The following PLEKHH2 variants were observed in gnomAD, a reference collection of about 807,000 sequenced individuals.
PLEKHH2 encodes the protein pleckstrin homology, MyTH4 and FERM domain containing H2, also known as pleckstrin homology domain-containing family H member 2.
PLEKHH2 carries 129 observed loss-of-function variants against 187.9 expected under a neutral mutation model. That is an observed-to-expected ratio of 0.69 (90% CI 0.59 to 0.79). The LOEUF is 0.79. PLEKHH2 is among the 30% of genes least tolerant of loss of function. The probability of loss-of-function intolerance (pLI) is 0.00; values close to 1 mark genes in which losing one functional copy is unlikely to be tolerated. For missense variants in PLEKHH2, 2,076 were observed against 1,751.2 expected (o/e 1.19, Z -3.31); for synonymous variants, 686 against 605.6 (o/e 1.13, Z -1.95).
In PLEKHH2 at chr2:43,764,347, T is replaced by G; in HGVS notation, c.4278T>G (p.Phe1426Leu). ...SKDKPTEKLLFAMAKPKILEI... is the reference protein window; with the variant it reads ...SKDKPTEKLLLAMAKPKILEI... ...ACAAACCAACAGAGAAATTACTTTT[T>G]GCCATGGCAAAACCCAAGGTGAGTA... is the stretch of plus-strand genomic sequence containing the variant. The change falls in exon 29 of 30, where the codon TTT (phenylalanine) becomes TTG (leucine). Residue 1426 changes from phenylalanine to leucine, a missense_variant. Coordinates refer to ENST00000282406, the MANE Select transcript of PLEKHH2 (RefSeq NM_172069.4). The G allele has an allele frequency of 6.2e-7, 1 of 1,612,948 alleles. No individual in the cohort carries two copies. Among genetic ancestry groups the G allele is most frequent in the Non-Finnish European group, 8.5e-7 (1 of 1,179,500 alleles).
chr2:43,761,717 G>A lies in PLEKHH2; in HGVS notation c.4072-587G>A, dbSNP rs17031409. On this transcript the variant is annotated intron_variant, in intron 27 of 29. Coordinates refer to ENST00000282406, the MANE Select transcript of PLEKHH2 (RefSeq NM_172069.4). ...AGAGCCACAACACCCAGTCAATTTCGTAGCTTTTACAATAAAAAATTCGGT... is the reference window on the plus strand; with the variant it reads ...AGAGCCACAACACCCAGTCAATTTCATAGCTTTTACAATAAAAAATTCGGT... Among the ~76,000 whole-genome samples the A allele has an allele frequency of 7.4e-3, 1,119 of 152,046 alleles. 15 individuals are homozygous for A. Among genetic ancestry groups the A allele is most frequent in the African/African-American group, 0.025 (1,052 of 41,466 alleles).
intron 15 of PLEKHH2, among the ~76,000 whole-genome samples, chr2:43,715,638 G>A (rs1296850644): frequency 6.6e-6 from 1 of 152,172 alleles, no homozygotes; most frequent in Admixed American, 6.5e-5. Context: ...AAAATCTTTA[G>A]TTTGATTGAA....
intron 2 of PLEKHH2, among the ~76,000 whole-genome samples, chr2:43,657,249 G>T (rs1315655728): frequency 6.6e-6 from 1 of 152,108 alleles, no homozygotes; most frequent in African/African-American, 2.4e-5. Context: ...TGGATGTCTA[G>T]GTCTCCTGGC....
chr2:43,731,370 CT>C (rs1293389664), intron 18 of PLEKHH2, 119 bp from the exon 19 acceptor site: 2 of 658,406 alleles, frequency 3.0e-6, no homozygotes, highest in Non-Finnish European at 5.2e-6. Context: ...TTTTTCTGAC[CT>C]TTGTGACTTA....
At chr2:43,706,274 G>A in intron 9 of PLEKHH2, 48 bp from the exon 10 acceptor site, 1 of 1,293,358 alleles carries the variant, frequency 7.7e-7, no homozygotes, top group Non-Finnish European at 1.1e-6. Context: ...AGACCAATGT[G>A]CTAATTAGAA....
In PLEKHH2 at chr2:43,748,449, C is replaced by T. The variant is rs539032585; in HGVS notation, c.3653+2486C>T. On this transcript the variant is annotated intron_variant, in intron 24 of 29. Coordinates refer to ENST00000282406, the MANE Select transcript of PLEKHH2 (RefSeq NM_172069.4). Reference sequence around the variant, plus strand: ...GACCTTCTAGATTATTATTGTAGTTCTGTTTAATCTGGAGCAGTAGTTCCC... The same window carrying T: ...GACCTTCTAGATTATTATTGTAGTTTTGTTTAATCTGGAGCAGTAGTTCCC... 1.8e-4 allele frequency among the ~76,000 whole-genome samples: 28 copies of T among 152,284 alleles called. No homozygotes were observed. The South Asian group carries it at 5.6e-3, about 30-fold the overall frequency.
At chr2:43,674,566 A>G (rs1667636017) in intron 2 of PLEKHH2, among the ~76,000 whole-genome samples, 1 of 152,240 alleles carries the variant, frequency 6.6e-6, no homozygotes, top group Non-Finnish European at 1.5e-5. Flanking sequence ...CTCATTAAAC[A>G]TTTGAAATAT....
rs547764166 is a variant in PLEKHH2 at position 43,726,412 on chromosome 2, A to C, written c.2682A>C (p.Gln894His). The change falls in exon 17 of 30, where the codon CAA becomes CAC. Residue 894 changes from glutamine (Q) to histidine (H), a missense_variant. Transcript: ENST00000282406. ...HYTIVIHPKD[Q>H]GPTYLLIGSK... ...CTATCGTTATCCATCCCAAAGACCA[A>C]GGTCCAACTTACCTCCTAATTGGAT... The C allele has an allele frequency of 3.1e-6, 5 of 1,612,022 alleles. No homozygotes were observed. Among genetic ancestry groups the C allele is most frequent in the Non-Finnish European group, 4.2e-6 (5 of 1,178,140 alleles).
chr2:43,743,665 G>C (rs571853159), intron 22 of PLEKHH2, among the ~76,000 whole-genome samples, 169 bp from the exon 23 acceptor site: 1 of 152,140 alleles, frequency 6.6e-6, no homozygotes, highest in South Asian at 2.1e-4. Context: ...TAATTTATGA[G>C]GTAACTTTGT....
At chr2:43,705,343 A>G (rs1669607556) in intron 9 of PLEKHH2, among the ~76,000 whole-genome samples, 1 of 137,106 alleles carries the variant, frequency 7.3e-6, no homozygotes, top group Non-Finnish European at 1.5e-5. Context: ...ACCGCCTTGA[A>G]CTCCTGGGCT....
intron 4 of PLEKHH2, among the ~76,000 whole-genome samples, chr2:43,693,857 C>A (rs1011119337): frequency 1.6e-4 from 24 of 151,596 alleles, no homozygotes; most frequent in African/African-American, 5.8e-4. Flanking sequence ...GCATTTTTTC[C>A]CCATTTCTTG....
At chr2:43,763,320 G>T (rs1672500197) in intron 28 of PLEKHH2, among the ~76,000 whole-genome samples, 1 of 152,166 alleles carries the variant, frequency 6.6e-6, no homozygotes, top group African/African-American at 2.4e-5. Flanking sequence ...GAGGCATTCA[G>T]TCCTGGAATG....
intron 9 of PLEKHH2, among the ~76,000 whole-genome samples, chr2:43,704,662 TAAAAAAA>T (rs70965318): frequency 2.5e-3 from 212 of 84,296 alleles, no homozygotes; most frequent in African/African-American, 9.1e-3. Flanking sequence ...GATTCTGTCT[TAAAAAAA>T]AAAAAAAAAA....
At chr2:43,664,032 G>A (rs1269488991) in intron 2 of PLEKHH2, among the ~76,000 whole-genome samples, 1 of 85,748 alleles carries the variant, frequency 1.2e-5, no homozygotes. Context: ...TATCCTTGTT[G>A]ACTTTCTGTC....
Position 43,746,011 on chromosome 2 carries a change from T to C in PLEKHH2, c.3653+48T>C, listed in dbSNP as rs772649260. The C allele has an allele frequency of 3.4e-5, 41 of 1,218,488 alleles. No individual in the cohort carries two copies. In the East Asian group the frequency reaches 9.3e-4, roughly 28 times the overall value. The allele number at this position is 1,218,488 out of a possible 1,614,324, so 75.5% of individuals were successfully genotyped here. A position where few individuals can be genotyped will look rare whatever the true frequency, so the allele number is the denominator to read the frequency against. On this transcript the variant is annotated intron_variant, in intron 24 of 29. Coordinates refer to ENST00000282406, the MANE Select transcript of PLEKHH2 (RefSeq NM_172069.4). ...GCCAAAGTATGAGTATACAATATGT[T>C]CTAATAATGCACCTACTATTTACCT...
In PLEKHH2 at chr2:43,738,432, C is replaced by G; in HGVS notation, c.3035C>G (p.Thr1012Arg). ...LAQSALQICL[T>R]HPELQNEICC... ...CAGAGTGCTTTGCAAATCTGCCTGA[C>G]ACATCCTGAGCTGCAGAATGAAATT... is the stretch of plus-strand genomic sequence containing the variant. Residue 1012 changes from threonine to arginine, a missense_variant, in exon 20 of 30, where the codon ACA becomes AGA. Coordinates refer to ENST00000282406, the MANE Select transcript of PLEKHH2 (RefSeq NM_172069.4). The G allele has an allele frequency of 6.2e-7, 1 of 1,614,030 alleles. No individual in the cohort carries two copies. Among genetic ancestry groups the G allele is most frequent in the South Asian group, 1.1e-5 (1 of 91,068 alleles).
Position 43,745,725 on chromosome 2 carries a change from G to A in PLEKHH2, c.3556-141G>A, listed in dbSNP as rs763878600. On this transcript the variant is annotated intron_variant, in intron 23 of 29. Transcript: ENST00000282406. ...ATAATTACATACTAAACTCAGAGCC[G>A]CACAGAGGCTGAAAACAAAAAGCTT... 52 of 576,322 alleles carry A rather than the reference G, an allele frequency of 9.0e-5. No homozygotes were observed. The South Asian group carries it at 1.0e-3, about 11-fold the overall frequency. The allele number at this position is 576,322 out of a possible 1,614,324, so 35.7% of individuals were successfully genotyped here.
intron 24 of PLEKHH2, among the ~76,000 whole-genome samples, chr2:43,748,018 GGACA>G (rs1423109274): frequency 6.6e-6 from 1 of 152,096 alleles, no homozygotes; most frequent in African/African-American, 2.4e-5. Context: ...TAAAAACTTG[GGACA>G]GACACTCACA....
chr2:43,741,760 A>C (rs1671572068), intron 21 of PLEKHH2, among the ~76,000 whole-genome samples: 1 of 152,240 alleles, frequency 6.6e-6, no homozygotes, highest in Non-Finnish European at 1.5e-5. Flanking sequence ...AGTTGCAGTC[A>C]CTGAGGAGCC....
Sources: gnomAD v4.1 joint callset for allele counts (sites outside exome capture counted in the v4.1 genomes callset) on GRCh38, gnomAD v4.1.1 for gene constraint, MANE v1.5 for transcripts, NCBI Gene and HGNC (gene_info 2026-07-23, HGNC 2026-07-21) for gene names.